Variants in MPP3 observed in about 807,000 individuals in gnomAD.
MPP3 encodes the protein MAGUK p55 scaffold protein 3, also known as MAGUK p55 subfamily member 3.
In MPP3, 48 loss-of-function variants were observed where a neutral mutation model predicts 80.7. The ratio of observed to expected loss-of-function variants is 0.59; its 90% CI spans 0.47 to 0.76. The LOEUF is 0.76. Among genes scored for constraint, MPP3 ranks in the 30% least tolerant of loss-of-function variants. MPP3 has a pLI of 0.00. For missense variants in MPP3, 620 were observed against 763.0 expected, an observed-to-expected ratio of 0.81 and a Z score of 2.21; for synonymous variants, 311 against 297.6, an observed-to-expected ratio of 1.04 and a Z score of -0.46.
At chr17:43,825,897 C>T (rs567737367) in intron 8 of MPP3, 56 bp from the exon 9 acceptor site, 2 of 1,118,010 alleles carry the variant, frequency 1.8e-6, no homozygotes, top group East Asian at 2.4e-5. Context: ...GCACCCCTCG[C>T]TCAGAGCTCC....
rs756653425 is a variant in MPP3 at position 43,820,977 on chromosome 17, G to A, written c.766C>T (p.Arg256Cys). 17 of 1,613,082 alleles carry A rather than the reference G, an allele frequency of 1.1e-5. No individual in the cohort carries two copies. Among genetic ancestry groups the A allele is most frequent in the South Asian group, 4.4e-5 (4 of 90,986 alleles). ...CTCACCACCTCCAGGACCTGCCTGC[G>A]CTGGAAGGGCAGGCCCGCCTCCTGG... The part of the protein sequence containing the change: ...PCQEAGLPFQ[R>C]RQVLEVVSQD... The change falls in exon 11 of 20, where the codon CGC (arginine) becomes TGC (cysteine). Residue 256 changes from arginine to cysteine, a missense_variant. Physicochemically the swap from Arg to Cys is radical, Grantham distance 180. Transcript: ENST00000398389.
Position 43,814,347 on chromosome 17 carries a change from T to C in MPP3, c.1024A>G (p.Ser342Gly), listed in dbSNP as rs1478201292. Residue 342 changes from serine (S) to glycine (G), a missense_variant, in exon 15 of 20, where the codon AGC becomes GGC. Coordinates refer to ENST00000398389, the MANE Select transcript of MPP3 (RefSeq NM_001932.6). ...CTCTCCCTACAGCCCAGCCGGAAGC[T>C]CCTCCGAAGACCAGCTTGGGAGGAG... Reference protein sequence around the residue: ...KGHYVAGLRRSFRLGCRERLG... With the variant: ...KGHYVAGLRRGFRLGCRERLG... 1 of 1,603,006 alleles carries C rather than the reference T, an allele frequency of 6.2e-7. No individual in the cohort carries two copies. Among genetic ancestry groups the C allele is most frequent in the Non-Finnish European group, 8.5e-7 (1 of 1,178,028 alleles).
At chr17:43,830,449 G>A (rs770526013) in intron 5 of MPP3, among the ~76,000 whole-genome samples, 6 of 152,198 alleles carry the variant, frequency 3.9e-5, no homozygotes, top group Admixed American at 6.5e-5. Context: ...CATTTTGCCC[G>A]AAGTCACAGA....
Position 43,809,087 on chromosome 17 carries a change from G to A in MPP3, c.1459-9C>T. ...CTCAGTTGTTTCAGTGCCTGAGAAAGAAAGTTCAGGAATATTATATACTTT... is the reference window on the plus strand; with the variant it reads ...CTCAGTTGTTTCAGTGCCTGAGAAAAAAAGTTCAGGAATATTATATACTTT... On this transcript the variant is annotated splice_polypyrimidine_tract_variant and intron_variant, in intron 18 of 19. Coordinates refer to ENST00000398389, the MANE Select transcript of MPP3 (RefSeq NM_001932.6). 1 of 1,577,616 alleles carries A rather than the reference G, an allele frequency of 6.3e-7. No homozygotes were observed.
chr17:43,826,691 G>A (rs1176736307), intron 8 of MPP3, among the ~76,000 whole-genome samples: 1 of 152,004 alleles, frequency 6.6e-6, no homozygotes, highest in Non-Finnish European at 1.5e-5. Context: ...GGTGGGGAAG[G>A]GTGTCAACCC....
At chr17:43,826,816 T>TTTTATATATATATA (rs2045717405) in intron 8 of MPP3, among the ~76,000 whole-genome samples, 1 of 139,706 alleles carries the variant, frequency 7.2e-6, no homozygotes, top group Admixed American at 6.9e-5. Context: ...CCATGACTAT[T>TTTTATATATATATA]TATATATATA....
At chr17:43,821,131 C>T (rs991584728) in intron 10 of MPP3, 73 bp from the exon 11 acceptor site, 7 of 1,457,384 alleles carry the variant, frequency 4.8e-6, no homozygotes, top group African/African-American at 1.4e-5. Flanking sequence ...ACATCAAAGG[C>T]CACATGACAA....
At chr17:43,814,161 C>G in intron 15 of MPP3, 36 bp downstream of exon 15, 1 of 1,608,656 alleles carries the variant, frequency 6.2e-7, no homozygotes, top group Non-Finnish European at 8.5e-7. Context: ...AGGGAGGAAA[C>G]CAGATCACTT....
At position 43,831,274 on chromosome 17, in the gene MPP3, A is replaced by T; in HGVS notation, c.192T>A (p.Val64=). The change falls in exon 5 of 20, where the codon GTT becomes GTA. Residue 64 remains valine, a synonymous_variant. Transcript: ENST00000398389. ...CAGCGAGGGCCACAGCGCTGTGCAG[A>T]ACTGGGGTTGGACTTTGCCTTTCAT... The part of the protein sequence containing the change: ...RYYERQSPTP[V]LHSAVALAED... 6.2e-7 allele frequency: 1 copy of T among 1,614,052 alleles called. No homozygotes were observed. Among genetic ancestry groups the T allele is most frequent in the Non-Finnish European group, 8.5e-7 (1 of 1,180,026 alleles).
chr17:43,824,220 T>C (rs762364275), intron 9 of MPP3, among the ~76,000 whole-genome samples: 1 of 152,222 alleles, frequency 6.6e-6, no homozygotes, highest in Admixed American at 6.5e-5. Context: ...AGTATTTTTA[T>C]TATTTTTAAG....
At chr17:43,832,959 A>C (rs1343280241) in intron 1 of MPP3, 140 bp from the exon 2 acceptor site, 1 of 147,352 alleles carries the variant, frequency 6.8e-6, no homozygotes, top group African/African-American at 2.5e-5. Flanking sequence ...GCGGGGGCCG[A>C]GGGGCGGGGT....
Position 43,808,996 on chromosome 17 carries a change from G to A in MPP3, c.1541C>T (p.Pro514Leu). Residue 514 changes from proline to leucine, a missense_variant, in exon 19 of 20, where the codon CCA becomes CTA. Pro to Leu is a moderately conservative substitution (Grantham distance 98). Coordinates refer to ENST00000398389, the MANE Select transcript of MPP3 (RefSeq NM_001932.6). ...KPAIQEKRKT[P>L]PMSPACEDTA... ...GTCCTCACAAGCTGGGGACATAGGT[G>A]GCGTTTTTCTTTTTTCCTGAATTGC... is the stretch of plus-strand genomic sequence containing the variant. 1 of 1,610,744 alleles carries A rather than the reference G, an allele frequency of 6.2e-7. No individual in the cohort carries two copies. Among genetic ancestry groups the A allele is most frequent in the Non-Finnish European group, 8.5e-7 (1 of 1,179,226 alleles).
At chr17:43,811,330 C>T in intron 16 of MPP3, 125 bp from the exon 17 acceptor site, 1 of 696,862 alleles carries the variant, frequency 1.4e-6, no homozygotes, top group Non-Finnish European at 2.5e-6. Context: ...ACTTCCACCT[C>T]ATTGCATGTC....
At chr17:43,831,173 C>T (rs954446879) in intron 5 of MPP3, 71 bp downstream of exon 5, 45 of 1,449,472 alleles carry the variant, frequency 3.1e-5, no homozygotes, top group African/African-American at 7.0e-5. Context: ...ACTAAGCAAG[C>T]GAGGCAAGAT....
intron 16 of MPP3, chr17:43,811,665 C>T (rs1260844392): frequency 6.5e-6 from 1 of 154,094 alleles, no homozygotes; most frequent in Non-Finnish European, 1.4e-5. Flanking sequence ...ATGATTTCGG[C>T]TCACTGCAAC....
rs2045014601 is a variant in MPP3, at chr17:43,814,364, T to C, written c.1010-3A>G. ...CCGGAAGCTCCTCCGAAGACCAGCT[T>C]GGGAGGAGGGGCAGAGGGACACCAT... On this transcript the variant is annotated splice_polypyrimidine_tract_variant and splice_region_variant and intron_variant, in intron 14 of 19. Coordinates refer to ENST00000398389, the MANE Select transcript of MPP3 (RefSeq NM_001932.6). The C allele has an allele frequency of 1.3e-6, 2 of 1,597,058 alleles. No individual in the cohort carries two copies. Among genetic ancestry groups the C allele is most frequent in the African/African-American group, 2.7e-5 (2 of 74,702 alleles).
rs372720073 is a variant in MPP3 at position 43,829,979 on chromosome 17, T to A, written c.303+48A>T. ...ATTAGGAGAGCTCCCTCCGCCCCCA[T>A]CCCAGGAGACCCAGAGGCATGGCTG... On this transcript the variant is annotated intron_variant, in intron 6 of 19. Coordinates refer to ENST00000398389, the MANE Select transcript of MPP3 (RefSeq NM_001932.6). The A allele has an allele frequency of 6.7e-4, 1,057 of 1,589,308 alleles. 8 individuals carry two copies. Among genetic ancestry groups the A allele is most frequent in the Admixed American group, 5.3e-3 (319 of 59,748 alleles).
At chr17:43,813,911 A>T in intron 16 of MPP3, 100 bp downstream of exon 16, 1 of 1,027,006 alleles carries the variant, frequency 9.7e-7, no homozygotes, top group Non-Finnish European at 1.4e-6. Flanking sequence ...GTGATCCTTT[A>T]AACCCAAAGT....
chr17:43,809,421 G>A (rs924000307), intron 18 of MPP3, among the ~76,000 whole-genome samples: 1 of 152,220 alleles, frequency 6.6e-6, no homozygotes, highest in Non-Finnish European at 1.5e-5. Flanking sequence ...TCTGATGGGT[G>A]AGGAAGCAGG....
Sources: allele counts gnomAD v4.1 joint callset (sites outside exome capture counted in the v4.1 genomes callset), GRCh38; gene constraint gnomAD v4.1.1; transcripts MANE v1.5; gene names NCBI Gene and HGNC (gene_info 2026-07-23, HGNC 2026-07-21).